RBM19: variants seen among roughly 807,000 people sequenced by gnomAD.
RBM19 encodes the protein RNA binding motif protein 19, also known as probable RNA-binding protein 19.
RBM19 carries 94 observed loss-of-function variants against 116.8 expected under a neutral mutation model. The ratio of observed to expected loss-of-function variants is 0.80; its 90% CI spans 0.68 to 0.95. RBM19 has a LOEUF of 0.95. Among genes scored for constraint, RBM19 ranks in the 40% least tolerant of loss-of-function variants. RBM19 has a pLI of 0.00. For synonymous variants in RBM19, 475 were observed against 494.1 expected (o/e 0.96, Z 0.51); for missense variants, 1,161 against 1,220.7 (o/e 0.95, Z 0.73).
At chr12:113,819,380 C>T (rs1220127905), downstream of RBM19, among the ~76,000 whole-genome samples, 2 of 152,196 alleles carry the variant, frequency 1.3e-5, no homozygotes, top group Non-Finnish European at 2.9e-5. Context: ...CTGGTCCAGC[C>T]TGTTATGGTT....
In RBM19 at chr12:113,933,194, A is replaced by G. The variant is rs532157522; in HGVS notation, c.2068+3813T>C. On this transcript the variant is annotated intron_variant, in intron 16 of 23. Transcript: ENST00000261741. Reference sequence around the variant, plus strand: ...GAAAGGAAGGGGGTAAAATAAAAAAAAAAAGGTATGTCCACTCCCCTCCTA... The same window carrying G: ...GAAAGGAAGGGGGTAAAATAAAAAAGAAAAGGTATGTCCACTCCCCTCCTA... 5.9e-5 allele frequency among the ~76,000 whole-genome samples: 9 copies of G among 152,062 alleles called. No individual in the cohort carries two copies. The East Asian group carries it at 1.7e-3, about 29-fold the overall frequency.
At chr12:113,860,644 G>T (rs547789871) in intron 21 of RBM19, among the ~76,000 whole-genome samples, 3 of 152,186 alleles carry the variant, frequency 2.0e-5, no homozygotes, top group African/African-American at 7.2e-5. Flanking sequence ...TCCTCTGTCC[G>T]TGCCTTGGCC....
At chr12:113,844,899 G>A in intron 22 of RBM19, 111 bp from the exon 23 acceptor site, 1 of 1,422,380 alleles carries the variant, frequency 7.0e-7, no homozygotes, top group South Asian at 1.5e-5. Flanking sequence ...CCCAGGTTCT[G>A]GCCCCGTGAC....
chr12:113,947,534 C>T lies in RBM19; in HGVS notation c.1277-70G>A, dbSNP rs1332557417. On this transcript the variant is annotated intron_variant, in intron 10 of 23. Coordinates refer to ENST00000261741, the MANE Select transcript of RBM19 (RefSeq NM_016196.4). ...TGGCCCCAGGGAAGAATGTGGTGAG[C>T]ACCAGCTGTGAGCCAACCTCACAGG... 1.7e-5 allele frequency: 25 copies of T among 1,509,508 alleles called. No individual in the cohort carries two copies. In the East Asian group the frequency reaches 5.8e-4, roughly 35 times the overall value. The allele number at this position is 1,509,508 out of a possible 1,614,324, so 93.5% of individuals were successfully genotyped here. A position where few individuals can be genotyped will look rare whatever the true frequency, so the allele number is the denominator to read the frequency against.
At chr12:113,847,963 T>A (rs57509625) in intron 22 of RBM19, among the ~76,000 whole-genome samples, 10,612 of 151,992 alleles carry the variant, frequency 0.07, 650 homozygotes, top group East Asian at 0.33. Flanking sequence ...GTAAGAGGGG[T>A]GGTGGCATGG....
intron 17 of RBM19, 27 bp downstream of exon 17, chr12:113,927,027 T>C (rs1160120497): frequency 6.2e-7 from 1 of 1,601,468 alleles, no homozygotes; most frequent in East Asian, 2.2e-5. Flanking sequence ...CCCACGCCCC[T>C]CCCTCCTGGG....
chr12:113,890,511 C>A (rs1593540041), intron 21 of RBM19, among the ~76,000 whole-genome samples: 1 of 152,204 alleles, frequency 6.6e-6, no homozygotes, highest in African/African-American at 2.4e-5. Context: ...AAATGAGATA[C>A]AAATGAGTGA....
intron 20 of RBM19, among the ~76,000 whole-genome samples, chr12:113,917,744 A>T (rs2135858419): frequency 6.6e-6 from 1 of 152,336 alleles, no homozygotes; most frequent in Non-Finnish European, 1.5e-5. Flanking sequence ...TAATGACAAT[A>T]ATGGCTTACG....
Position 113,920,755 on chromosome 12 carries a change from C to T in RBM19, c.2306-65G>A, listed in dbSNP as rs1378514611. The T allele has an allele frequency of 4.9e-6, 7 of 1,425,468 alleles. No individual in the cohort carries two copies. The Admixed American group carries it at 1.2e-4, about 24-fold the overall frequency. 88.3% of individuals were successfully genotyped at this position (1,425,468 alleles called of 1,614,324 possible). ...GGAAGCACAAGGCCAAGTGCAAGGG[C>T]TGTGACGGGCCCCCAGACCTGCGCT... On this transcript the variant is annotated intron_variant, in intron 18 of 23. Transcript: ENST00000261741.
At chr12:113,918,220 G>A (rs2279050) in intron 20 of RBM19, among the ~76,000 whole-genome samples, 172 bp downstream of exon 20, 13,421 of 152,128 alleles carry the variant, frequency 0.088, 686 homozygotes, top group East Asian at 0.17. Flanking sequence ...AATCAGGGTC[G>A]GACTTGGTAA....
At chr12:113,893,793 T>C (rs576782668) in intron 21 of RBM19, among the ~76,000 whole-genome samples, 90 of 152,334 alleles carry the variant, frequency 5.9e-4, no homozygotes, top group African/African-American at 1.9e-3. Flanking sequence ...TTTGGCTCTT[T>C]CAATTGACAT....
At chr12:113,924,604 C>CTA in intron 18 of RBM19, 93 bp downstream of exon 18, 3 of 1,148,468 alleles carry the variant, frequency 2.6e-6, no homozygotes, top group Non-Finnish European at 4.0e-6. Context: ...CAAGGGAGAA[C>CTA]TACCCCAACC....
At chr12:113,860,346 C>T (rs763516271) in intron 21 of RBM19, among the ~76,000 whole-genome samples, 18 of 152,234 alleles carry the variant, frequency 1.2e-4, no homozygotes, top group Non-Finnish European at 2.2e-4. Flanking sequence ...GGATGCATCC[C>T]ATGACAGACA....
chr12:113,912,645 C>T (rs540997639), intron 21 of RBM19, among the ~76,000 whole-genome samples: 2 of 152,326 alleles, frequency 1.3e-5, no homozygotes, highest in Non-Finnish European at 2.9e-5. Context: ...TGATTCTGCA[C>T]GGGAAGGCAT....
chr12:113,960,247 C>A (rs971188905), intron 2 of RBM19, 69 bp from the exon 3 acceptor site: 2 of 1,602,986 alleles, frequency 1.2e-6, no homozygotes, highest in Non-Finnish European at 1.7e-6. Flanking sequence ...CCCTTCGGCA[C>A]CTGGGAGCTC....
At position 113,938,321 on chromosome 12, in the gene RBM19, C is replaced by T. The variant is rs560336427; in HGVS notation, c.1939-1185G>A. 7.2e-5 allele frequency among the ~76,000 whole-genome samples: 11 copies of T among 152,210 alleles called. 1 individual carries two copies. In the South Asian group the frequency reaches 1.9e-3, roughly 26 times the overall value. Reference sequence around the variant, plus strand: ...TGACTTCCTGAGAGCTTAGTGGCCACAGAGTCCCAAGCTAAAGACTATTAC... The same window carrying T: ...TGACTTCCTGAGAGCTTAGTGGCCATAGAGTCCCAAGCTAAAGACTATTAC... On this transcript the variant is annotated intron_variant, in intron 15 of 23. Coordinates refer to ENST00000261741, the MANE Select transcript of RBM19 (RefSeq NM_016196.4).
chr12:113,925,260 G>C (rs562895661), intron 17 of RBM19, among the ~76,000 whole-genome samples: 1 of 152,254 alleles, frequency 6.6e-6, no homozygotes, highest in East Asian at 1.9e-4. Context: ...CAGAGCCCAG[G>C]GAAAGGCAGA....
chr12:113,859,328 C>T (rs1565980015), intron 21 of RBM19, among the ~76,000 whole-genome samples: 1 of 152,220 alleles, frequency 6.6e-6, no homozygotes, highest in African/African-American at 2.4e-5. Flanking sequence ...GGTTGCCTGA[C>T]CTTTCCAAAC....
At chr12:113,958,126 T>A in intron 5 of RBM19, 76 bp from the exon 6 acceptor site, 1 of 1,445,854 alleles carries the variant, frequency 6.9e-7, no homozygotes, top group South Asian at 1.4e-5. Context: ...TGGTAGATGG[T>A]CCTCCTAGTG....
Sources: gnomAD v4.1 joint callset for allele counts (sites outside exome capture counted in the v4.1 genomes callset) on GRCh38, gnomAD v4.1.1 for gene constraint, MANE v1.5 for transcripts, NCBI Gene and HGNC (gene_info 2026-07-23, HGNC 2026-07-21) for gene names.